The following GULP1 variants were observed in gnomAD, a reference collection of about 807,000 sequenced individuals.
The protein encoded by GULP1 is GULP PTB domain containing engulfment adaptor 1, also known as PTB domain-containing engulfment adapter protein 1.
A neutral mutation model predicts 40.9 loss-of-function variants in GULP1; 19 were observed. That is an observed-to-expected ratio of 0.46 (90% CI 0.32 to 0.68). GULP1 has a LOEUF of 0.68. Ranked by LOEUF, GULP1 falls within the 30% of genes least tolerant of loss-of-function variation. The probability of loss-of-function intolerance (pLI) is 0.03; values close to 1 mark genes in which losing one functional copy is unlikely to be tolerated. For synonymous variants in GULP1, 119 were observed against 117.6 expected (o/e 1.01, Z -0.08); for missense variants, 312 against 362.2 (o/e 0.86, Z 1.12).
chr2:188,335,709 A>G (rs186074084), intron 1 of GULP1, among the ~76,000 whole-genome samples: 8 of 152,346 alleles, frequency 5.3e-5, no homozygotes, highest in Admixed American at 4.6e-4. Context: ...CCTTCAAGTG[A>G]CAACAAAAGC....
chr2:188,295,023 G>T (rs763154400), intron 1 of GULP1, among the ~76,000 whole-genome samples: 21 of 152,210 alleles, frequency 1.4e-4, no homozygotes, highest in Non-Finnish European at 2.2e-4. Context: ...GGGAGATTTT[G>T]TTATGGTTAA....
At chr2:188,348,473 A>C (rs72907697) in intron 1 of GULP1, among the ~76,000 whole-genome samples, 1,737 of 152,296 alleles carry the variant, frequency 0.011, 14 homozygotes, top group Non-Finnish European at 0.02. Flanking sequence ...GATATTACTC[A>C]GTGTTCCTGT....
intron 2 of GULP1, among the ~76,000 whole-genome samples, chr2:188,420,727 T>C (rs764892611): frequency 6.6e-5 from 10 of 152,078 alleles, no homozygotes; most frequent in Non-Finnish European, 1.0e-4. Flanking sequence ...TGCATGCTGA[T>C]TGGTTTATGG....
chr2:188,381,397 G>A (rs1391563495), intron 1 of GULP1, among the ~76,000 whole-genome samples: 1 of 149,408 alleles, frequency 6.7e-6, no homozygotes, highest in African/African-American at 2.6e-5. Context: ...TAAAGGCTAC[G>A]GGGATGTTAA....
At position 188,415,059 on chromosome 2, in the gene GULP1, G is replaced by A. The variant is rs560194564; in HGVS notation, c.-45+31170G>A. ...CATTGTTTAAAGATGATTTATAGCAGTATTTAAGAACTTAAGCAGCACTGG... is the reference window on the plus strand; with the variant it reads ...CATTGTTTAAAGATGATTTATAGCAATATTTAAGAACTTAAGCAGCACTGG... On this transcript the variant is annotated intron_variant, in intron 2 of 11. Coordinates refer to ENST00000409830, the MANE Select transcript of GULP1 (RefSeq NM_016315.4). Among the ~76,000 whole-genome samples the A allele has an allele frequency of 3.4e-4, 52 of 152,234 alleles. No homozygotes were observed. The South Asian group carries it at 8.7e-3, about 25-fold the overall frequency.
intron 6 of GULP1, among the ~76,000 whole-genome samples, chr2:188,537,491 G>A (rs1689245385): frequency 1.3e-5 from 2 of 152,030 alleles, no homozygotes; most frequent in Non-Finnish European, 1.5e-5. Context: ...TGTATTTATT[G>A]ATTCGCATAC....
intron 1 of GULP1, among the ~76,000 whole-genome samples, chr2:188,378,145 G>C (rs2048525881): frequency 6.6e-6 from 1 of 152,032 alleles, no homozygotes; most frequent in Non-Finnish European, 1.5e-5. Context: ...ATATGGATGA[G>C]GAGACTAAGG....
intron 1 of GULP1, among the ~76,000 whole-genome samples, chr2:188,335,837 C>T (rs1425778380): frequency 2.0e-5 from 3 of 152,150 alleles, no homozygotes; most frequent in Non-Finnish European, 4.4e-5. Context: ...TTGTATGTAA[C>T]ACATGCCTGG....
At chr2:188,327,895 A>G (rs915622673) in intron 1 of GULP1, among the ~76,000 whole-genome samples, 1 of 152,170 alleles carries the variant, frequency 6.6e-6, no homozygotes, top group African/African-American at 2.4e-5. Flanking sequence ...TTCAGTGTAT[A>G]ATGAAGTTAT....
chr2:188,352,614 T>TTA (rs2044621237), intron 1 of GULP1, among the ~76,000 whole-genome samples: 5 of 60,354 alleles, frequency 8.3e-5, no homozygotes, highest in African/African-American at 4.5e-4. Context: ...TCTCTCTCTC[T>TTA]CTCTCACACA....
intron 1 of GULP1, among the ~76,000 whole-genome samples, chr2:188,373,519 A>C (rs904063431): frequency 5.9e-5 from 9 of 152,008 alleles, no homozygotes; most frequent in Non-Finnish European, 1.3e-4. Flanking sequence ...CCAGTTCCAT[A>C]AACATTGATA....
chr2:188,453,935 C>T (rs2059040916), intron 2 of GULP1, among the ~76,000 whole-genome samples: 1 of 152,206 alleles, frequency 6.6e-6, no homozygotes, highest in African/African-American at 2.4e-5. Flanking sequence ...TTCCACTGCA[C>T]TCTTGGCTCC....
intron 1 of GULP1, among the ~76,000 whole-genome samples, chr2:188,370,027 G>A (rs2047396399): frequency 6.6e-6 from 1 of 152,084 alleles, no homozygotes; most frequent in Non-Finnish European, 1.5e-5. Context: ...TGTATTTTTT[G>A]TAGAGACAGG....
At chr2:188,364,758 C>CAT (rs1255076121) in intron 1 of GULP1, among the ~76,000 whole-genome samples, 10 of 147,248 alleles carry the variant, frequency 6.8e-5, no homozygotes, top group Non-Finnish European at 1.5e-4. Flanking sequence ...GATACATATA[C>CAT]ATATATACAT....
intron 5 of GULP1, chr2:188,523,031 C>G (rs1368176872): frequency 6.7e-6 from 3 of 447,812 alleles, no homozygotes; most frequent in Non-Finnish European, 1.2e-5. Context: ...ATATGGCATA[C>G]TGTTCACATT....
At chr2:188,356,388 AC>A (rs1442319750) in intron 1 of GULP1, among the ~76,000 whole-genome samples, 1 of 152,114 alleles carries the variant, frequency 6.6e-6, no homozygotes, top group African/African-American at 2.4e-5. Flanking sequence ...GTTTCTATAC[AC>A]CAACAAAGAA....
intron 7 of GULP1, among the ~76,000 whole-genome samples, chr2:188,568,459 G>T (rs1421320477): frequency 6.6e-6 from 1 of 152,188 alleles, no homozygotes; most frequent in Non-Finnish European, 1.5e-5. Flanking sequence ...GCTTGTGGAT[G>T]TAAGATATAT....
At chr2:188,323,232 G>T (rs2040254998) in intron 1 of GULP1, among the ~76,000 whole-genome samples, 1 of 151,866 alleles carries the variant, frequency 6.6e-6, no homozygotes, top group Admixed American at 6.6e-5. Context: ...TCCCTGAATT[G>T]CCATTGTACT....
intron 2 of GULP1, among the ~76,000 whole-genome samples, chr2:188,469,967 T>G (rs2060453186): frequency 6.6e-6 from 1 of 152,162 alleles, no homozygotes; most frequent in Admixed American, 6.6e-5. Context: ...GCTAGTACTG[T>G]GTTGAGGATT....
Sources: allele counts gnomAD v4.1 joint callset (sites outside exome capture counted in the v4.1 genomes callset), GRCh38; gene constraint gnomAD v4.1.1; transcripts MANE v1.5; gene names NCBI Gene and HGNC (gene_info 2026-07-23, HGNC 2026-07-21).